EYA3: variants seen among roughly 807,000 people sequenced by gnomAD.
EYA3 encodes EYA transcriptional coactivator and phosphatase 3.
A neutral mutation model predicts 80.0 loss-of-function variants in EYA3; 39 were observed. The observed-to-expected ratio is 0.49, with a 90% CI of 0.38 to 0.64. The LOEUF (loss-of-function observed/expected upper bound fraction) is 0.64, where lower values mean the gene tolerates loss of function less well. Among genes scored for constraint, EYA3 ranks in the 30% least tolerant of loss-of-function variants. The pLI, the probability that EYA3 is intolerant of heterozygous loss-of-function variation, is 0.00. For missense variants in EYA3, 523 were observed against 676.1 expected (o/e 0.77, Z 2.51); for synonymous variants, 206 against 232.8 (o/e 0.88, Z 1.05).
At chr1:27,990,818 TG>T (rs545744297) in intron 14 of EYA3, among the ~76,000 whole-genome samples, 85 of 152,038 alleles carry the variant, frequency 5.6e-4, no homozygotes, top group Admixed American at 5.2e-3. Context: ...CCCAAACTGC[TG>T]GGATTACAGG....
At chr1:28,057,911 G>C in intron 2 of EYA3, 83 bp downstream of exon 2, 1 of 718,436 alleles carries the variant, frequency 1.4e-6, no homozygotes, top group Non-Finnish European at 2.2e-6. Context: ...TTCTAATTTG[G>C]AATCTATAAC....
intron 7 of EYA3, among the ~76,000 whole-genome samples, chr1:28,023,671 G>A (rs1642593505): frequency 6.6e-6 from 1 of 152,134 alleles, no homozygotes; most frequent in African/African-American, 2.4e-5. Flanking sequence ...AAACTACAAA[G>A]TCTAGAAGAG....
chr1:27,989,792 C>T lies in EYA3; in HGVS notation c.1323G>A (p.Arg441=). 1 of 1,609,792 alleles carries T rather than the reference C, an allele frequency of 6.2e-7. No individual in the cohort carries two copies. Among genetic ancestry groups the T allele is most frequent in the Non-Finnish European group, 8.5e-7 (1 of 1,177,528 alleles). Residue 441 remains arginine, a synonymous_variant, in exon 15 of 18, where the codon AGG becomes AGA. Coordinates refer to ENST00000373871, the MANE Select transcript of EYA3 (RefSeq NM_001990.4). ...CTCTTAATCTCTGCAGTGCTTCCTTCCTCTGGGGACTGAGGAGACCTTTAG... is the reference window on the plus strand; with the variant it reads ...CTCTTAATCTCTGCAGTGCTTCCTTTCTCTGGGGACTGAGGAGACCTTTAG... The part of the protein sequence containing the change: ...SNVGGLLSPQ[R]KEALQRLRAE...
chr1:28,010,532 A>G (rs932577269), intron 10 of EYA3, among the ~76,000 whole-genome samples: 1 of 152,072 alleles, frequency 6.6e-6, no homozygotes, highest in African/African-American at 2.4e-5. Context: ...GTGGGACTAC[A>G]GGTGTGCAGC....
At chr1:28,010,664 C>A in intron 10 of EYA3, 1 of 312,464 alleles carries the variant, frequency 3.2e-6, no homozygotes, top group Non-Finnish European at 5.9e-6. Context: ...AGCCACCGCA[C>A]CTGACCCTTT....
chr1:28,080,353 A>C (rs544076901), intron 1 of EYA3, among the ~76,000 whole-genome samples: 4 of 152,244 alleles, frequency 2.6e-5, no homozygotes, highest in Non-Finnish European at 4.4e-5. Flanking sequence ...GCTGCTTGGG[A>C]GGCTGAGGCA....
intron 1 of EYA3, among the ~76,000 whole-genome samples, chr1:28,075,140 T>C (rs1645157042): frequency 6.6e-6 from 1 of 152,174 alleles, no homozygotes; most frequent in Admixed American, 6.5e-5. Context: ...AGTCTAGAGA[T>C]TAATCAGAAC....
chr1:28,061,213 A>C (rs1317597644), intron 1 of EYA3, among the ~76,000 whole-genome samples: 2 of 152,224 alleles, frequency 1.3e-5, no homozygotes, highest in Non-Finnish European at 2.9e-5. Flanking sequence ...CATTCTGTAT[A>C]AAATGCACTA....
At chr1:28,037,742 T>G (rs999132412) in intron 5 of EYA3, among the ~76,000 whole-genome samples, 2 of 152,230 alleles carry the variant, frequency 1.3e-5, no homozygotes, top group Admixed American at 1.3e-4. Flanking sequence ...GGGTTGACTT[T>G]TTAATTAGTT....
rs901081666 is a variant in EYA3 at position 28,009,505 on chromosome 1, C to G, written c.909+1442G>C. Among the ~76,000 whole-genome samples the G allele has an allele frequency of 6.6e-6, 1 of 152,044 alleles. No homozygotes were observed. The highest frequency in any genetic ancestry group is 1.5e-5 in the Non-Finnish European group (1 of 68,008). On this transcript the variant is annotated intron_variant, in intron 10 of 17. Coordinates refer to ENST00000373871, the MANE Select transcript of EYA3 (RefSeq NM_001990.4). This position sits in a 1 kb window ranked among gnomAD's most constrained non-coding sequence, Gnocchi z 4.8. ...TCTCTACTAAAAATACAAAAATTAG[C>G]CAGGCATGGTGGTGTGCACCTATAA... is the stretch of plus-strand genomic sequence containing the variant.
intron 9 of EYA3, among the ~76,000 whole-genome samples, chr1:28,011,384 G>A (rs766463807): frequency 3.9e-5 from 6 of 152,162 alleles, no homozygotes; most frequent in Non-Finnish European, 8.8e-5. Context: ...CAAACTTGTA[G>A]ATTAGAGTTT....
chr1:27,985,602 G>A (rs1288713139), intron 16 of EYA3, among the ~76,000 whole-genome samples: 2 of 151,968 alleles, frequency 1.3e-5, no homozygotes, highest in Non-Finnish European at 2.9e-5. Context: ...TTGTTGTTGA[G>A]GTGGAGTCTC....
intron 16 of EYA3, among the ~76,000 whole-genome samples, chr1:27,982,689 T>C (rs1253442361): frequency 6.6e-6 from 1 of 151,650 alleles, no homozygotes; most frequent in Non-Finnish European, 1.5e-5. Flanking sequence ...GCCTCCTGGG[T>C]TCAAGCTATT....
At chr1:28,079,141 G>A (rs768101811) in intron 1 of EYA3, among the ~76,000 whole-genome samples, 5 of 152,182 alleles carry the variant, frequency 3.3e-5, no homozygotes, top group Non-Finnish European at 7.3e-5. Flanking sequence ...AATAGTGCCT[G>A]GCACATAGTA....
At chr1:27,980,994 A>G (rs4908387) in intron 16 of EYA3, among the ~76,000 whole-genome samples, 141,246 of 152,260 alleles carry the variant, frequency 0.93, 66,363 homozygotes, top group East Asian at 1. Flanking sequence ...AATGGGCTAT[A>G]ATCGTGCCAC....
At chr1:27,975,458 A>C (rs1343220633) in intron 17 of EYA3, among the ~76,000 whole-genome samples, 1 of 151,496 alleles carries the variant, frequency 6.6e-6, no homozygotes, top group Non-Finnish European at 1.5e-5. Flanking sequence ...TAGGGATTAC[A>C]GGCATGAGCC....
At chr1:28,066,117 T>C (rs1445549785) in intron 1 of EYA3, among the ~76,000 whole-genome samples, 1 of 152,110 alleles carries the variant, frequency 6.6e-6, no homozygotes, top group African/African-American at 2.4e-5. Flanking sequence ...GGGAAGTGTC[T>C]ACAACATGAA....
intron 8 of EYA3, among the ~76,000 whole-genome samples, chr1:28,016,213 CAATA>C (rs1332541936): frequency 6.6e-6 from 1 of 152,096 alleles, no homozygotes; most frequent in African/African-American, 2.4e-5. Flanking sequence ...GGTGGGAACT[CAATA>C]AATATTTGTG....
intron 11 of EYA3, among the ~76,000 whole-genome samples, chr1:28,000,917 T>C (rs1167428272): frequency 6.6e-6 from 1 of 151,834 alleles, no homozygotes; most frequent in African/African-American, 2.4e-5. Flanking sequence ...AACACAGAAA[T>C]AGCTGGGCAT....
Sources: allele counts gnomAD v4.1 joint callset (sites outside exome capture counted in the v4.1 genomes callset), GRCh38; gene constraint gnomAD v4.1.1; non-coding constraint Gnocchi (gnomAD v3.1); transcripts MANE v1.5; gene names NCBI Gene and HGNC (gene_info 2026-07-23, HGNC 2026-07-21).